Variants in DCSTAMP observed in about 807,000 individuals in gnomAD.
DCSTAMP encodes the protein dendritic cell-specific transmembrane protein.
In DCSTAMP, 25 loss-of-function variants were observed where a neutral mutation model predicts 33.8. The observed-to-expected ratio is 0.74, with a 90% CI of 0.54 to 1.03. The LOEUF is 1.03. DCSTAMP is among the 50% of genes least tolerant of loss of function. The pLI is 0.00. For synonymous variants in DCSTAMP, 245 were observed against 216.7 expected, an observed-to-expected ratio of 1.13 and a Z score of -1.15; for missense variants, 531 against 556.8, an observed-to-expected ratio of 0.95 and a Z score of 0.47.
chr8:104,349,181 T>C lies in DCSTAMP; in HGVS notation c.629T>C (p.Leu210Pro). Residue 210 changes from leucine (L) to proline (P), a missense_variant, in exon 2 of 4, where the codon CTG becomes CCG. Coordinates refer to ENST00000297581, the MANE Select transcript of DCSTAMP (RefSeq NM_030788.4). The stretch of plus-strand genomic sequence containing the variant: ...ACAACCACAGAGGTGTTGTCCTCCC[T>C]GGGTCAGAAGCTACTTGCCTTTGCA... ...MATTTEVLSS[L>P]GQKLLAFAGL... The C allele has an allele frequency of 6.2e-7, 1 of 1,614,254 alleles. No homozygotes were observed. The highest frequency in any genetic ancestry group is 8.5e-7 in the Non-Finnish European group (1 of 1,180,050).
chr8:104,344,720 T>G (rs1268504554), intron 1 of DCSTAMP, among the ~76,000 whole-genome samples: 1 of 152,216 alleles, frequency 6.6e-6, no homozygotes, highest in Non-Finnish European at 1.5e-5. Flanking sequence ...AATCTGGGTA[T>G]CTGCTTGACA....
intron 1 of DCSTAMP, among the ~76,000 whole-genome samples, chr8:104,344,031 G>A (rs2099383447): frequency 1.3e-5 from 2 of 152,192 alleles, no homozygotes; most frequent in Non-Finnish European, 2.9e-5. Flanking sequence ...TTTAAAACAG[G>A]ACTCATGAAA....
chr8:104,354,800 G>A (rs1810567837), intron 2 of DCSTAMP, 77 bp from the exon 3 acceptor site: 2 of 924,384 alleles, frequency 2.2e-6, no homozygotes, highest in Admixed American at 2.4e-5. Flanking sequence ...GCCATGTGCT[G>A]CAGGGAAGTA....
chr8:104,341,792 G>C (rs1221673835), intron 1 of DCSTAMP, among the ~76,000 whole-genome samples: 2 of 152,198 alleles, frequency 1.3e-5, no homozygotes, highest in East Asian at 3.9e-4. Flanking sequence ...TGGGGCCCTT[G>C]GTGGTACTCT....
chr8:104,355,375 C>T (rs1388957219), intron 3 of DCSTAMP, among the ~76,000 whole-genome samples, 190 bp downstream of exon 3: 1 of 152,204 alleles, frequency 6.6e-6, no homozygotes, highest in East Asian at 1.9e-4. Flanking sequence ...GATTTGAATG[C>T]TGATCCAAAG....
chr8:104,348,937 C>A lies in DCSTAMP; in HGVS notation c.385C>A (p.Leu129Ile). ...KGLLDGMTCN[L>I]RAKSFSIHFP... ...TCTCCTAGATGGTATGACTTGCAAC[C>A]TAAGGGCAAAGAGCTTTTCCATACA... Residue 129 changes from leucine (L) to isoleucine (I), a missense_variant, in exon 2 of 4, where the codon CTA becomes ATA. Coordinates refer to ENST00000297581, the MANE Select transcript of DCSTAMP (RefSeq NM_030788.4). 1 of 1,614,182 alleles carries A rather than the reference C, an allele frequency of 6.2e-7. No homozygotes were observed. Among genetic ancestry groups the A allele is most frequent in the Non-Finnish European group, 8.5e-7 (1 of 1,180,038 alleles).
intron 3 of DCSTAMP, among the ~76,000 whole-genome samples, chr8:104,355,657 C>T (rs1481008515): frequency 6.6e-6 from 1 of 151,874 alleles, no homozygotes; most frequent in Non-Finnish European, 1.5e-5. Flanking sequence ...TAAATAAAAA[C>T]ATGACTCATA....
intron 3 of DCSTAMP, among the ~76,000 whole-genome samples, chr8:104,355,851 A>C (rs1810612232): frequency 6.6e-6 from 1 of 152,198 alleles, no homozygotes; most frequent in African/African-American, 2.4e-5. Context: ...GGTGGATGGG[A>C]GGGGTCAGTT....
chr8:104,345,535 C>T (rs1393982807), intron 1 of DCSTAMP, among the ~76,000 whole-genome samples: 1 of 152,090 alleles, frequency 6.6e-6, no homozygotes, highest in Non-Finnish European at 1.5e-5. Flanking sequence ...GTTAAGAAAA[C>T]GTGTTCTTCT....
Position 104,353,119 on chromosome 8 carries a change from T to A in DCSTAMP, c.1030-1758T>A, listed in dbSNP as rs111917771. ...TGTGGGTGGGCAGTGTGAGTAAAAA[T>A]AGCCAGAGTTTCTACTTATTGGGCA... On this transcript the variant is annotated intron_variant, in intron 2 of 3. Coordinates refer to ENST00000297581, the MANE Select transcript of DCSTAMP (RefSeq NM_030788.4). Among the ~76,000 whole-genome samples the A allele has an allele frequency of 4.2e-3, 646 of 152,308 alleles. 4 individuals are homozygous for A. Among genetic ancestry groups the A allele is most frequent in the Non-Finnish European group, 5.8e-3 (392 of 68,024 alleles).
At chr8:104,341,346 C>G (rs2099382804) in intron 1 of DCSTAMP, among the ~76,000 whole-genome samples, 1 of 152,160 alleles carries the variant, frequency 6.6e-6, no homozygotes, top group African/African-American at 2.4e-5. Context: ...TTCATCTGCA[C>G]CTTGAAAGTT....
In DCSTAMP at chr8:104,348,862, G is replaced by A. The variant is rs1432223419; in HGVS notation, c.310G>A (p.Gly104Arg). 1 of 1,614,202 alleles carries A rather than the reference G, an allele frequency of 6.2e-7. No individual in the cohort carries two copies. The highest frequency in any genetic ancestry group is 1.7e-5 in the Admixed American group (1 of 60,022). The change falls in exon 2 of 4, where the codon GGG becomes AGG. Residue 104 changes from glycine (G) to arginine (R), a missense_variant. Coordinates refer to ENST00000297581, the MANE Select transcript of DCSTAMP (RefSeq NM_030788.4). ...GAATGCTTTGATTGCAGCTGGCACA[G>A]GGATCGTCATCTTGGGACACGTAGA... is the stretch of plus-strand genomic sequence containing the variant. ...GRNALIAAGT[G>R]IVILGHVENI...
intron 1 of DCSTAMP, among the ~76,000 whole-genome samples, chr8:104,344,801 G>T (rs561072670): frequency 2.0e-4 from 30 of 152,308 alleles, no homozygotes; most frequent in African/African-American, 4.1e-4. Flanking sequence ...TAAGAGGAAA[G>T]AATTGAAATA....
intron 2 of DCSTAMP, among the ~76,000 whole-genome samples, chr8:104,349,851 T>G (rs1214664698): frequency 6.6e-6 from 1 of 152,182 alleles, no homozygotes; most frequent in African/African-American, 2.4e-5. Flanking sequence ...AGAAGTTTAT[T>G]CTTGGATAGT....
intron 1 of DCSTAMP, among the ~76,000 whole-genome samples, chr8:104,342,086 G>C (rs761404471): frequency 2.0e-5 from 3 of 152,212 alleles, no homozygotes; most frequent in Non-Finnish European, 4.4e-5. Flanking sequence ...GCACAAGAGA[G>C]GGGAATAAAA....
At chr8:104,350,300 G>T (rs1307339657) in intron 2 of DCSTAMP, among the ~76,000 whole-genome samples, 1 of 152,186 alleles carries the variant, frequency 6.6e-6, no homozygotes, top group African/African-American at 2.4e-5. Context: ...ACTATCCGGC[G>T]TGAACCTAAG....
chr8:104,353,918 T>C (rs944179461), intron 2 of DCSTAMP, among the ~76,000 whole-genome samples: 4 of 152,254 alleles, frequency 2.6e-5, no homozygotes, highest in African/African-American at 9.6e-5. Context: ...GGGCAGGATC[T>C]GGTCCATTAA....
intron 1 of DCSTAMP, 34 bp from the exon 2 acceptor site, chr8:104,348,507 T>C (rs780036785): frequency 1.9e-6 from 3 of 1,575,382 alleles, no homozygotes; most frequent in Non-Finnish European, 2.6e-6. Context: ...CATTCAAAAG[T>C]AATTTCTGAC....
chr8:104,347,094 T>C (rs1306657540), intron 1 of DCSTAMP, among the ~76,000 whole-genome samples: 1 of 152,160 alleles, frequency 6.6e-6, no homozygotes, highest in Non-Finnish European at 1.5e-5. Context: ...ATTTATTTTA[T>C]ATATATATCA....
Sources: gnomAD v4.1 joint callset for allele counts (sites outside exome capture counted in the v4.1 genomes callset) on GRCh38, gnomAD v4.1.1 for gene constraint, MANE v1.5 for transcripts, NCBI Gene and HGNC (gene_info 2026-07-23, HGNC 2026-07-21) for gene names.